ZMYND15: variants seen among roughly 807,000 people sequenced by gnomAD.
ZMYND15 encodes zinc finger MYND domain-containing protein 15.
In ZMYND15, 54 loss-of-function variants were observed where a neutral mutation model predicts 81.7. The observed-to-expected ratio is 0.66, with a 90% CI of 0.53 to 0.83. The LOEUF is 0.83. Among genes scored for constraint, ZMYND15 ranks in the 40% least tolerant of loss-of-function variants. The probability of loss-of-function intolerance (pLI) is 0.00; values close to 1 mark genes in which losing one functional copy is unlikely to be tolerated. For missense variants in ZMYND15, 925 were observed against 973.5 expected (o/e 0.95, Z 0.66); for synonymous variants, 399 against 387.0 (o/e 1.03, Z -0.36).
rs1916579490 is a variant in ZMYND15 at position 4,744,566 on chromosome 17, G to A, written c.1684-59G>A. The A allele has an allele frequency of 2.5e-6, 4 of 1,601,450 alleles. No individual in the cohort carries two copies. Among genetic ancestry groups the A allele is most frequent in the East Asian group, 2.2e-5 (1 of 44,732 alleles). On this transcript the variant is annotated intron_variant, in intron 10 of 13. Coordinates refer to ENST00000433935, the MANE Select transcript of ZMYND15 (RefSeq NM_001136046.3). This position sits in a 1 kb window ranked among gnomAD's most constrained non-coding sequence, Gnocchi z 4.1. ...CCCCCCACTCCCCATCTTGCCTGGT[G>A]CATCCTCCAGTTCCCTGACTTCCAG...
Position 4,745,533 on chromosome 17 carries a change from C to G in ZMYND15, c.2057+158C>G, listed in dbSNP as rs917927276. 1.3e-5 allele frequency among the ~76,000 whole-genome samples: 2 copies of G among 151,966 alleles called. No individual in the cohort carries two copies. Among genetic ancestry groups the G allele is most frequent in the Admixed American group, 6.5e-5 (1 of 15,268 alleles). On this transcript the variant is annotated intron_variant, in intron 13 of 13. Coordinates refer to ENST00000433935, the MANE Select transcript of ZMYND15 (RefSeq NM_001136046.3). This position sits in a 1 kb window ranked among gnomAD's most constrained non-coding sequence, Gnocchi z 5.2. ...CCTTCTCTGTCCCCACTACTCGTCG[C>G]CCCCATGGGAGGTCTCGACATCCCC...
At position 4,746,083 on chromosome 17, in the gene ZMYND15, T is replaced by C. The variant is rs2271165; in HGVS notation, c.*93T>C. On this transcript the variant is annotated 3_prime_UTR_variant, in exon 14 of 14. Transcript: ENST00000433935. ...AGGGGGAGGACAGGTTGGTAAAACATGAAAAGGTAAATAAAATTACTTGTT... is the reference window on the plus strand; with the variant it reads ...AGGGGGAGGACAGGTTGGTAAAACACGAAAAGGTAAATAAAATTACTTGTT... The C allele has an allele frequency of 0.075, 94,549 of 1,252,400 alleles. 4,341 individuals are homozygous for C. The highest frequency in any genetic ancestry group is 0.24 in the East Asian group (7,526 of 31,672). 77.6% of individuals were successfully genotyped at this position (1,252,400 alleles called of 1,614,324 possible).
In ZMYND15 at chr17:4,740,849, A is replaced by G; in HGVS notation, c.301A>G (p.Ser101Gly). ...CCCTCCACTCCACCTGCGAGACCTG[A>G]GCCCCTACATCAGCTTTGTCAGCCT... ...DNPPLHLRDLSPYISFVSLED... is the reference protein window; with the variant it reads ...DNPPLHLRDLGPYISFVSLED... The change falls in exon 2 of 14, where the codon AGC (serine) becomes GGC (glycine). Residue 101 changes from serine (S) to glycine (G), a missense_variant. Coordinates refer to ENST00000433935, the MANE Select transcript of ZMYND15 (RefSeq NM_001136046.3). The G allele has an allele frequency of 6.3e-7, 1 of 1,576,786 alleles. No homozygotes were observed.
At position 4,742,107 on chromosome 17, in the gene ZMYND15, A is replaced by G. The variant is rs200479464; in HGVS notation, c.983+37A>G. ...CAAAGCTGGGGGAGAGGAAGACCCC[A>G]ATAGGCAAATAGAAGGAAGGCAGGG... is the stretch of plus-strand genomic sequence containing the variant. On this transcript the variant is annotated intron_variant, in intron 4 of 13. Coordinates refer to ENST00000433935, the MANE Select transcript of ZMYND15 (RefSeq NM_001136046.3). 3,001 of 1,609,994 alleles carry G rather than the reference A, an allele frequency of 1.9e-3. 6 individuals are homozygous for G. Among genetic ancestry groups the G allele is most frequent in the Non-Finnish European group, 2.1e-3 (2,486 of 1,177,408 alleles).
At chr17:4,742,738 G>T (rs1916482974) in intron 5 of ZMYND15, among the ~76,000 whole-genome samples, 1 of 152,150 alleles carries the variant, frequency 6.6e-6, no homozygotes, top group South Asian at 2.1e-4. Context: ...ACACTTACTT[G>T]CTTCCCAGCT....
rs572362327 is a variant in ZMYND15, at chr17:4,742,360, G to C, written c.1013G>C (p.Gly338Ala). ...CPQCSAVLYC[G>A]EACLRADWQR... Reference sequence around the variant, plus strand: ...CAGTGTAGTGCTGTCTTGTATTGTGGAGAGGCTTGTCTCCGGGCTGACTGG... The same window carrying C: ...CAGTGTAGTGCTGTCTTGTATTGTGCAGAGGCTTGTCTCCGGGCTGACTGG... Residue 338 changes from glycine (G) to alanine (A), a missense_variant, in exon 5 of 14, where the codon GGA (glycine) becomes GCA (alanine). Coordinates refer to ENST00000433935, the MANE Select transcript of ZMYND15 (RefSeq NM_001136046.3). 6.2e-7 allele frequency: 1 copy of C among 1,614,148 alleles called. No individual in the cohort carries two copies. The highest frequency in any genetic ancestry group is 2.2e-5 in the East Asian group (1 of 44,888).
chr17:4,745,321 C>T lies in ZMYND15; in HGVS notation c.2003C>T (p.Pro668Leu). ...GGAGGGGGCACCAGCCCTCCCCAGC[C>T]CAACCCCTTCCGCTCCCCCTTTCGC... ...ATGGGTSPPQ[P>L]NPFRSPFRLR... Residue 668 changes from proline (P) to leucine (L), a missense_variant, in exon 13 of 14, where the codon CCC becomes CTC. Coordinates refer to ENST00000433935, the MANE Select transcript of ZMYND15 (RefSeq NM_001136046.3). This position sits in a 1 kb window ranked among gnomAD's most constrained non-coding sequence, Gnocchi z 5.2. 6.2e-7 allele frequency: 1 copy of T among 1,612,832 alleles called. No individual in the cohort carries two copies. The highest frequency in any genetic ancestry group is 8.5e-7 in the Non-Finnish European group (1 of 1,179,476).
In ZMYND15 at chr17:4,745,763, G is replaced by A. The variant is rs148755181; in HGVS notation, c.2058-56G>A. The A allele has an allele frequency of 2.5e-6, 2 of 809,388 alleles. No individual in the cohort carries two copies. The highest frequency in any genetic ancestry group is 3.4e-6 in the Non-Finnish European group (2 of 592,874). 50.1% of individuals were successfully genotyped at this position (809,388 alleles called of 1,614,324 possible). On this transcript the variant is annotated intron_variant, in intron 13 of 13. Coordinates refer to ENST00000433935, the MANE Select transcript of ZMYND15 (RefSeq NM_001136046.3). The surrounding 1 kb of genome is among the most constrained non-coding windows in gnomAD (Gnocchi z 5.2). Reference sequence around the variant, plus strand: ...CCTGGGAGCCCCGACCCCTGGGAGCGCCGACCCCTGGGAGTCCCGCCCCGT... The same window carrying A: ...CCTGGGAGCCCCGACCCCTGGGAGCACCGACCCCTGGGAGTCCCGCCCCGT...
At position 4,740,527 on chromosome 17, in the gene ZMYND15, G is replaced by A. The variant is rs369871047; in HGVS notation, c.-22G>A. 4 of 1,564,806 alleles carry A rather than the reference G, an allele frequency of 2.6e-6. No individual in the cohort carries two copies. The highest frequency in any genetic ancestry group is 2.6e-6 in the Non-Finnish European group (3 of 1,151,190). The stretch of plus-strand genomic sequence containing the variant: ...TCCCTTCTTTTGCTCAGTCTGGGCC[G>A]GGGCCCTGTGCCGCTGAAGACATGG... On this transcript the variant is annotated 5_prime_UTR_variant, in exon 2 of 14. Coordinates refer to ENST00000433935, the MANE Select transcript of ZMYND15 (RefSeq NM_001136046.3).
In ZMYND15 at chr17:4,744,297, G is replaced by A. The variant is rs762419608; in HGVS notation, c.1584+19G>A. On this transcript the variant is annotated intron_variant, in intron 9 of 13. Coordinates refer to ENST00000433935, the MANE Select transcript of ZMYND15 (RefSeq NM_001136046.3). The surrounding 1 kb of genome is among the most constrained non-coding windows in gnomAD (Gnocchi z 4.1). Reference sequence around the variant, plus strand: ...GTTTTGGGTAAGTCACCCCAGGCCTGAAGGTTGGGCATTTTGGTATGGGGG... The same window carrying A: ...GTTTTGGGTAAGTCACCCCAGGCCTAAAGGTTGGGCATTTTGGTATGGGGG... 8.1e-6 allele frequency: 13 copies of A among 1,614,006 alleles called. No individual in the cohort carries two copies. In the African/African-American group the frequency reaches 1.6e-4, roughly 20 times the overall value.
In ZMYND15 at chr17:4,743,965, G is replaced by A; in HGVS notation, c.1379-26G>A. The A allele has an allele frequency of 1.3e-6, 2 of 1,555,216 alleles. No homozygotes were observed. Among genetic ancestry groups the A allele is most frequent in the Non-Finnish European group, 8.7e-7 (1 of 1,147,900 alleles). On this transcript the variant is annotated intron_variant, in intron 7 of 13. Coordinates refer to ENST00000433935, the MANE Select transcript of ZMYND15 (RefSeq NM_001136046.3). This position sits in a 1 kb window ranked among gnomAD's most constrained non-coding sequence, Gnocchi z 4.3. ...AGAGGGGGTGGGGGTCCAGGGCCAGGTCCTCTAGCAACCCTCTCCTGCCAG... is the reference window on the plus strand; with the variant it reads ...AGAGGGGGTGGGGGTCCAGGGCCAGATCCTCTAGCAACCCTCTCCTGCCAG...
chr17:4,740,287 C>A, intron 1 of ZMYND15: 1 of 716,648 alleles, frequency 1.4e-6, no homozygotes, highest in Non-Finnish European at 1.9e-6. Flanking sequence ...AATACCATCT[C>A]ATCCCTGAGT....
Position 4,745,778 on chromosome 17 carries a change from T to A in ZMYND15, c.2058-41T>A, listed in dbSNP as rs781172751. 1.0e-5 allele frequency: 11 copies of A among 1,105,518 alleles called. No individual in the cohort carries two copies. The highest frequency in any genetic ancestry group is 1.2e-5 in the Non-Finnish European group (10 of 824,356). The allele number at this position is 1,105,518 out of a possible 1,614,324, so 68.5% of individuals were successfully genotyped here. A position where few individuals can be genotyped will look rare whatever the true frequency, so the allele number is the denominator to read the frequency against. On this transcript the variant is annotated intron_variant, in intron 13 of 13. Coordinates refer to ENST00000433935, the MANE Select transcript of ZMYND15 (RefSeq NM_001136046.3). The surrounding 1 kb of genome is among the most constrained non-coding windows in gnomAD (Gnocchi z 5.2). ...CCCTGGGAGCGCCGACCCCTGGGAG[T>A]CCCGCCCCGTGGTCCCTGACTGCGC...
Position 4,740,828 on chromosome 17 carries a change from C to G in ZMYND15, c.280C>G (p.Pro94Ala). ...GTAWLLGDNP[P>A]LHLRDLSPYI... ...TGCCTGGCTCCTGGGAGACAACCCTCCACTCCACCTGCGAGACCTGAGCCC... is the reference window on the plus strand; with the variant it reads ...TGCCTGGCTCCTGGGAGACAACCCTGCACTCCACCTGCGAGACCTGAGCCC... The change falls in exon 2 of 14, where the codon CCA becomes GCA. Residue 94 changes from proline to alanine, a missense_variant. Physicochemically the swap from Pro to Ala is conservative, Grantham distance 27. Transcript: ENST00000433935. The G allele has an allele frequency of 6.3e-7, 1 of 1,583,004 alleles. No homozygotes were observed. The highest frequency in any genetic ancestry group is 8.6e-7 in the Non-Finnish European group (1 of 1,161,104).
chr17:4,740,415 C>T lies in ZMYND15; in HGVS notation c.-30-104C>T, dbSNP rs865993897. The T allele has an allele frequency of 1.1e-5, 15 of 1,398,908 alleles. No homozygotes were observed. The African/African-American group carries it at 2.0e-4, about 19-fold the overall frequency. 86.7% of individuals were successfully genotyped at this position (1,398,908 alleles called of 1,614,324 possible). A position where few individuals can be genotyped will look rare whatever the true frequency, so the allele number is the denominator to read the frequency against. On this transcript the variant is annotated intron_variant, in intron 1 of 13. Coordinates refer to ENST00000433935, the MANE Select transcript of ZMYND15 (RefSeq NM_001136046.3). ...GCTCCTAGCATATCCACGGATCCAA[C>T]CCTAAGTGACTCTCAAACCTACCCT... is the stretch of plus-strand genomic sequence containing the variant.
intron 4 of ZMYND15, 74 bp from the exon 5 acceptor site, chr17:4,742,257 C>T (rs894625432): frequency 1.7e-4 from 264 of 1,580,192 alleles, no homozygotes; most frequent in Non-Finnish European, 2.2e-4. Context: ...ATATGGGCAG[C>T]TGCTGGGCAG....
intron 2 of ZMYND15, 81 bp from the exon 3 acceptor site, chr17:4,741,501 A>AT: frequency 6.8e-7 from 1 of 1,480,090 alleles, no homozygotes; most frequent in South Asian, 1.2e-5. Context: ...CCCCGTAGGT[A>AT]TTTGAGTTTG....
Position 4,744,366 on chromosome 17 carries a change from C to T in ZMYND15, c.1585-3C>T. 6.2e-7 allele frequency: 1 copy of T among 1,614,112 alleles called. No individual in the cohort carries two copies. The highest frequency in any genetic ancestry group is 1.1e-5 in the South Asian group (1 of 91,088). ...CAGATCTTTCTTTCTTTCTGTCCTT[C>T]AGGAGCTTTTGGTCCTGCTCCCCCA... is the stretch of plus-strand genomic sequence containing the variant. On this transcript the variant is annotated splice_polypyrimidine_tract_variant and splice_region_variant and intron_variant, in intron 9 of 13. Transcript: ENST00000433935. The surrounding 1 kb of genome is among the most constrained non-coding windows in gnomAD (Gnocchi z 4.1).
Position 4,744,896 on chromosome 17 carries a change from G to T in ZMYND15, c.1864G>T (p.Asp622Tyr). The change falls in exon 12 of 14, where the codon GAT (aspartate) becomes TAT (tyrosine). Residue 622 changes from aspartate (D) to tyrosine (Y), a missense_variant. Physicochemically the swap from Asp to Tyr is radical, Grantham distance 160. Transcript: ENST00000433935. This position sits in a 1 kb window ranked among gnomAD's most constrained non-coding sequence, Gnocchi z 4.1. ...ATTTAACTCCGGGTTTGCTCTCAAG[G>T]ATACGTGGCTGAGGTCTCTGCCCCG... ...IGFNSGFALK[D>Y]TWLRSLPRLQ... 3 of 1,614,114 alleles carry T rather than the reference G, an allele frequency of 1.9e-6. No homozygotes were observed. The highest frequency in any genetic ancestry group is 1.1e-5 in the South Asian group (1 of 91,084).
Sources: gnomAD v4.1 joint callset for allele counts (sites outside exome capture counted in the v4.1 genomes callset) on GRCh38, gnomAD v4.1.1 for gene constraint, Gnocchi (gnomAD v3.1) non-coding constraint, MANE v1.5 for transcripts, NCBI Gene and HGNC (gene_info 2026-07-23, HGNC 2026-07-21) for gene names.